Variants in MAMLD1 observed in about 807,000 individuals in gnomAD.
The protein encoded by MAMLD1 is mastermind-like domain-containing protein 1.
MAMLD1 carries 14 observed loss-of-function variants against 45.0 expected under a neutral mutation model. That is an observed-to-expected ratio of 0.31 (90% CI 0.21 to 0.49). MAMLD1 has a LOEUF of 0.49. MAMLD1 is among the 20% of genes least tolerant of loss of function. The pLI is 0.99. For synonymous variants in MAMLD1, 254 were observed against 247.8 expected (o/e 1.02, Z -0.24); for missense variants, 543 against 603.6 (o/e 0.90, Z 1.05).
intron 1 of MAMLD1, among the ~76,000 whole-genome samples, chrX:150,439,285 G>A (rs1380922044): frequency 4.5e-5 from 5 of 111,741 alleles, no homozygotes; most frequent in Admixed American, 1.9e-4. Flanking sequence ...CTCCCATTCC[G>A]TAGGTCTTTT....
intron 6 of MAMLD1, among the ~76,000 whole-genome samples, chrX:150,506,676 A>G (rs109389): frequency 0.35 from 39,619 of 111,635 alleles, 5,651 homozygotes; most frequent in East Asian, 0.66. Context: ...TAATGAGATC[A>G]TTCTTCCCAT....
intron 1 of MAMLD1, among the ~76,000 whole-genome samples, chrX:150,417,505 T>G (rs371315574): frequency 9.1e-6 from 1 of 109,830 alleles, no homozygotes; most frequent in Non-Finnish European, 1.9e-5. Flanking sequence ...CATGATTTAT[T>G]GTCCTTTGGG....
At chrX:150,428,701 G>T (rs1301622499) in intron 1 of MAMLD1, among the ~76,000 whole-genome samples, 1 of 112,238 alleles carries the variant, frequency 8.9e-6, no homozygotes, top group African/African-American at 3.2e-5. Flanking sequence ...ATGTGCTGAG[G>T]TTGTGAGATA....
chrX:150,485,701 T>C (rs781938985), intron 5 of MAMLD1, among the ~76,000 whole-genome samples: 1 of 112,373 alleles, frequency 8.9e-6, no homozygotes, highest in Non-Finnish European at 1.9e-5. Context: ...ATTCAACTAA[T>C]GCATATTGAA....
chrX:150,500,297 C>T (rs1216589795), intron 5 of MAMLD1, among the ~76,000 whole-genome samples: 3 of 111,760 alleles, frequency 2.7e-5, no homozygotes, highest in Non-Finnish European at 5.6e-5. Context: ...CACAGAGGGC[C>T]GACCACACAT....
intron 1 of MAMLD1, among the ~76,000 whole-genome samples, chrX:150,386,564 C>T (rs1557402048): frequency 9.0e-6 from 1 of 111,639 alleles, no homozygotes; most frequent in Non-Finnish European, 1.9e-5. Flanking sequence ...GACAAAGGAT[C>T]GATGGAACCA....
In MAMLD1 at chrX:150,512,683, G is replaced by A. The variant is rs781843142; in HGVS notation, c.*724G>A. ...TAGCAAACACCACCAAGTTCCTCCAGCAGGGTATGGCCAGCTTTAGTCCCC... is the reference window on the plus strand; with the variant it reads ...TAGCAAACACCACCAAGTTCCTCCAACAGGGTATGGCCAGCTTTAGTCCCC... On this transcript the variant is annotated 3_prime_UTR_variant, in exon 8 of 8. Transcript: ENST00000370401. The A allele has an allele frequency of 8.7e-7, 1 of 1,151,399 alleles. No homozygotes were observed. 94.9% of individuals were successfully genotyped at this position (1,151,399 alleles called of 1,213,427 possible).
intron 1 of MAMLD1, among the ~76,000 whole-genome samples, chrX:150,434,869 G>A (rs979715186): frequency 1.8e-5 from 2 of 111,839 alleles, no homozygotes; most frequent in Non-Finnish European, 3.8e-5. Context: ...TTGCAGATGA[G>A]AGGAATGTAT....
At chrX:150,476,215 C>T (rs1193405355) in intron 5 of MAMLD1, among the ~76,000 whole-genome samples, 1 of 111,400 alleles carries the variant, frequency 9.0e-6, no homozygotes, top group African/African-American at 3.3e-5. Context: ...CCCCAAATTG[C>T]GTCACTGAAT....
chrX:150,436,082 C>T (rs1314667726), intron 1 of MAMLD1, among the ~76,000 whole-genome samples: 4 of 111,685 alleles, frequency 3.6e-5, no homozygotes, highest in Non-Finnish European at 5.6e-5. Flanking sequence ...GCCGAATGGT[C>T]TGCTGTTAGC....
intron 1 of MAMLD1, among the ~76,000 whole-genome samples, chrX:150,419,632 T>C (rs2034411727): frequency 9.7e-6 from 1 of 103,405 alleles, no homozygotes; most frequent in Non-Finnish European, 2.0e-5. Context: ...AAGGCAGGCC[T>C]GGTGGTGACA....
At chrX:150,446,404 G>A (rs1557404799) in intron 2 of MAMLD1, among the ~76,000 whole-genome samples, 3 of 111,534 alleles carry the variant, frequency 2.7e-5, no homozygotes, top group African/African-American at 9.8e-5. Context: ...TCATAGAACT[G>A]GAAGCCCTGG....
chrX:150,431,076 G>A (rs1039963944), intron 1 of MAMLD1, among the ~76,000 whole-genome samples: 7 of 112,059 alleles, frequency 6.2e-5, no homozygotes, highest in Non-Finnish European at 1.1e-4. Flanking sequence ...CTATGAACAT[G>A]GTATATTACT....
At chrX:150,483,427 T>C (rs1320599089) in intron 5 of MAMLD1, among the ~76,000 whole-genome samples, 1 of 112,685 alleles carries the variant, frequency 8.9e-6, no homozygotes, top group Non-Finnish European at 1.9e-5. Flanking sequence ...TAGAGGGGAA[T>C]GAACCAATGA....
chrX:150,380,517 A>C (rs1292569028), intron 1 of MAMLD1, among the ~76,000 whole-genome samples: 1 of 111,169 alleles, frequency 9.0e-6, no homozygotes, highest in African/African-American at 3.3e-5. Flanking sequence ...CCATGCAAAA[A>C]ATTTTTTTAT....
At chrX:150,399,295 T>C (rs2033652030) in intron 1 of MAMLD1, among the ~76,000 whole-genome samples, 1 of 111,673 alleles carries the variant, frequency 9.0e-6, no homozygotes, top group African/African-American at 3.3e-5. Flanking sequence ...AAAGACAGAT[T>C]TGAATGATGT....
At position 150,471,203 on chromosome X, in the gene MAMLD1, C is replaced by G; in HGVS notation, c.1630C>G (p.Pro544Ala). The part of the protein sequence containing the change: ...TEPFTFGNTK[P>A]LSHFVSEPGP... ...GCCATTTACTTTTGGCAACACCAAG[C>G]CCTTGTCCCATTTTGTTTCTGAGCC... The change falls in exon 4 of 8, where the codon CCC becomes GCC. Residue 544 changes from proline to alanine, a missense_variant. By Grantham distance (27) the Pro-to-Ala change is conservative. Coordinates refer to ENST00000370401, the MANE Select transcript of MAMLD1 (RefSeq NM_005491.5). The G allele has an allele frequency of 8.3e-7, 1 of 1,212,050 alleles. No homozygotes were observed. Among genetic ancestry groups the G allele is most frequent in the Middle Eastern group, 2.3e-4 (1 of 4,355 alleles).
intron 6 of MAMLD1, chrX:150,504,928 A>G: frequency 1.3e-6 from 1 of 753,798 alleles, no homozygotes; most frequent in South Asian, 6.8e-5. Flanking sequence ...CAGAGGATGC[A>G]GGCACCACAG....
At chrX:150,483,563 C>T (rs1328493402) in intron 5 of MAMLD1, among the ~76,000 whole-genome samples, 1 of 112,717 alleles carries the variant, frequency 8.9e-6, no homozygotes, top group Non-Finnish European at 1.9e-5. Flanking sequence ...CATATTCTTG[C>T]ACTGGGCAGA....
Sources: gnomAD v4.1 joint callset for allele counts (sites outside exome capture counted in the v4.1 genomes callset) on GRCh38, gnomAD v4.1.1 for gene constraint, MANE v1.5 for transcripts, NCBI Gene and HGNC (gene_info 2026-07-23, HGNC 2026-07-21) for gene names.